The following POLG variants were observed in gnomAD, a reference collection of about 807,000 sequenced individuals.
POLG encodes the protein DNA polymerase subunit gamma-1.
Under a neutral mutation model 155.4 loss-of-function variants are expected in POLG, and 110 were observed. The ratio of observed to expected loss-of-function variants is 0.71; its 90% CI spans 0.61 to 0.83. The LOEUF (loss-of-function observed/expected upper bound fraction) is 0.83, where lower values mean the gene tolerates loss of function less well. Ranked by LOEUF, POLG falls within the 40% of genes least tolerant of loss-of-function variation. The pLI, the probability that POLG is intolerant of heterozygous loss-of-function variation, is 0.00. For synonymous variants in POLG, 701 were observed against 631.5 expected, an observed-to-expected ratio of 1.11 and a Z score of -1.65; for missense variants, 1,685 against 1,627.5, an observed-to-expected ratio of 1.04 and a Z score of -0.61.
chr15:89,320,876 A>G lies in POLG; in HGVS notation c.2871T>C (p.Ala957=), dbSNP rs376459207. The change falls in exon 18 of 23, where the codon GCT becomes GCC. Residue 957 remains alanine (A), a synonymous_variant. Coordinates refer to ENST00000268124, the MANE Select transcript of POLG (RefSeq NM_002693.3). ...GTAAGCGCTCAGCAAAGGGCTGCCC[A>G]GCACCATAGATGCGGCCGTAGTTGA... ...KIFNYGRIYG[A]GQPFAERLLM... 2 of 1,613,930 alleles carry G rather than the reference A, an allele frequency of 1.2e-6. No individual in the cohort carries two copies. The highest frequency in any genetic ancestry group is 2.7e-5 in the African/African-American group (2 of 74,940).
chr15:89,330,746 T>C (rs1362952613), intron 2 of POLG, among the ~76,000 whole-genome samples: 1 of 109,998 alleles, frequency 9.1e-6, no homozygotes, highest in Non-Finnish European at 1.8e-5. Flanking sequence ...AAAAAAAAAA[T>C]GACAAATGCT....
chr15:89,326,565 A>G (rs746353157), intron 9 of POLG, 47 bp downstream of exon 9: 1 of 1,606,658 alleles, frequency 6.2e-7, no homozygotes, highest in Non-Finnish European at 8.5e-7. Context: ...CTGAGAATGG[A>G]GCAAGGGTAG....
rs1274781490 is a variant in POLG, at chr15:89,328,666, G to GC, written c.1170+18dup. The GC allele has an allele frequency of 2.5e-6, 4 of 1,613,694 alleles. No homozygotes were observed. The Admixed American group carries it at 6.7e-5, about 27-fold the overall frequency. On this transcript the variant is annotated intron_variant, in intron 5 of 22. Transcript: ENST00000268124. ...GTGTGCCACAGCCCATGTCCCCAGA[G>GC]CCCCCTCCAGCACCATACCTGGAAG...
At chr15:89,324,495 G>A (rs1177801718) in intron 10 of POLG, among the ~76,000 whole-genome samples, 1 of 152,262 alleles carries the variant, frequency 6.6e-6, no homozygotes, top group East Asian at 1.9e-4. Flanking sequence ...CTCAAGAGAA[G>A]TTCTGAGAGC....
Position 89,325,300 on chromosome 15 carries a change from GT to G in POLG, c.1949+149del, listed in dbSNP as rs1394375303. On this transcript the variant is annotated intron_variant, in intron 10 of 22. Coordinates refer to ENST00000268124, the MANE Select transcript of POLG (RefSeq NM_002693.3). ...AGAGAGAGAAAGAGAGAGAGAGAGGGTGTGTGTGTGTGTGTTAATTTTTTTC... is the reference window on the plus strand; with the variant it reads ...AGAGAGAGAAAGAGAGAGAGAGAGGGGTGTGTGTGTGTGTTAATTTTTTTC... 1.7e-5 allele frequency: 10 copies of G among 589,588 alleles called. 3 individuals carry two copies. In the African/African-American group the frequency reaches 2.7e-4, roughly 16 times the overall value. 36.5% of individuals were successfully genotyped at this position (589,588 alleles called of 1,614,324 possible). A position where few individuals can be genotyped will look rare whatever the true frequency, so the allele number is the denominator to read the frequency against.
intron 3 of POLG, 52 bp from the exon 4 acceptor site, chr15:89,329,162 G>C: frequency 6.6e-7 from 1 of 1,516,056 alleles, no homozygotes; most frequent in Non-Finnish European, 9.0e-7. Context: ...TGCAACTGTG[G>C]GGCCAGCCCA....
chr15:89,324,863 A>G (rs776090945), intron 10 of POLG, among the ~76,000 whole-genome samples: 1 of 152,150 alleles, frequency 6.6e-6, no homozygotes, highest in African/African-American at 2.4e-5. Flanking sequence ...TTAAAAGCCC[A>G]TCTCCCTGCT....
At chr15:89,333,038 C>CA in intron 2 of POLG, 58 bp downstream of exon 2, 1 of 1,492,188 alleles carries the variant, frequency 6.7e-7, no homozygotes, top group Non-Finnish European at 8.9e-7. Context: ...TTCACTGAAA[C>CA]AAACTATTAA....
chr15:89,328,992 G>C lies in POLG; in HGVS notation c.974C>G (p.Pro325Arg), dbSNP rs1370921826. The C allele has an allele frequency of 1.2e-6, 2 of 1,613,632 alleles. No individual in the cohort carries two copies. Among genetic ancestry groups the C allele is most frequent in the Admixed American group, 3.3e-5 (2 of 60,010 alleles). The change falls in exon 4 of 23, where the codon CCC (proline) becomes CGC (arginine). Residue 325 changes from proline (P) to arginine (R), a missense_variant. Physicochemically the swap from Pro to Arg is moderately radical, Grantham distance 103. Around this residue, in one of 3 missense-constraint regions of POLG, gnomAD observed 1,210 missense variants for 1,167.1 expected, o/e 1.04. Coordinates refer to ENST00000268124, the MANE Select transcript of POLG (RefSeq NM_002693.3). Reference sequence around the variant, plus strand: ...CTGGGACTTCTGGCCTTGCTTTGTGGGGGGCTGGACCTTGTGTTTGCCCTG... The same window carrying C: ...CTGGGACTTCTGGCCTTGCTTTGTGCGGGGCTGGACCTTGTGTTTGCCCTG... ...AKQGKHKVQP[P>R]TKQGQKSQRK... is the part of the protein sequence containing the mutation.
intron 16 of POLG, 124 bp downstream of exon 16, chr15:89,321,612 C>T (rs1353327841): frequency 1.2e-6 from 1 of 820,790 alleles, no homozygotes; most frequent in Non-Finnish European, 2.1e-6. Context: ...GACTAGAGTC[C>T]TGCCTGACCC....
At position 89,328,696 on chromosome 15, in the gene POLG, C is replaced by CA; in HGVS notation, c.1158dup (p.Glu387Ter). ...CTCCAGCACCATACCTGGAAGTTCT[C>CA]ACGAATGTCCTTCATGGTGCCCTTC... On this transcript the variant is annotated frameshift_variant, in exon 5 of 23. Transcript: ENST00000268124. LOFTEE classifies it high-confidence loss of function. The CA allele has an allele frequency of 6.2e-7, 1 of 1,614,164 alleles. No individual in the cohort carries two copies. Among genetic ancestry groups the CA allele is most frequent in the Non-Finnish European group, 8.5e-7 (1 of 1,180,034 alleles).
Position 89,316,802 on chromosome 15 carries a change from T to C in POLG, c.3669A>G (p.Ile1223Met). The change falls in exon 23 of 23, where the codon ATA becomes ATG. Residue 1223 changes from isoleucine (I) to methionine (M), a missense_variant. By Grantham distance (10) the Ile-to-Met change is conservative (BLOSUM62 1). Around this residue, in one of 3 missense-constraint regions of POLG, gnomAD observed 470 missense variants for 439.9 expected, o/e 1.07. Coordinates refer to ENST00000268124, the MANE Select transcript of POLG (RefSeq NM_002693.3). The part of the protein sequence containing the change: ...PQGEALDIYQ[I>M]IELTKGSLEK... ...CCAAGGAGCCTTTGGTGAGTTCAAT[T>C]ATCTGGTAAATATCCAGCGCTTCAC... The C allele has an allele frequency of 6.2e-7, 1 of 1,613,828 alleles. No individual in the cohort carries two copies. The highest frequency in any genetic ancestry group is 8.5e-7 in the Non-Finnish European group (1 of 1,179,784).
At chr15:89,327,403 C>G in intron 6 of POLG, 54 bp from the exon 7 acceptor site, 1 of 1,546,850 alleles carries the variant, frequency 6.5e-7, no homozygotes, top group South Asian at 1.1e-5. Flanking sequence ...GCAAGACTGG[C>G]CCAATCCCTG....
intron 18 of POLG, 89 bp from the exon 19 acceptor site, chr15:89,319,439 A>G: frequency 6.5e-7 from 1 of 1,541,792 alleles, no homozygotes; most frequent in Non-Finnish European, 8.8e-7. Flanking sequence ...TATCACTTCA[A>G]CTTTTAAAAA....
Position 89,324,076 on chromosome 15 carries a change from C to T in POLG, c.2070+31G>A, listed in dbSNP as rs758996694. The stretch of plus-strand genomic sequence containing the variant: ...GGGTGGAATACAGAGACCTCCCCTC[C>T]CCAAAGCTCAGGTTCAGAGCCTGCC... On this transcript the variant is annotated intron_variant, in intron 11 of 22. Transcript: ENST00000268124. 1.8e-5 allele frequency: 29 copies of T among 1,613,678 alleles called. No individual in the cohort carries two copies. The East Asian group carries it at 6.2e-4, about 35-fold the overall frequency.
At chr15:89,328,126 G>A (rs3176175) in intron 6 of POLG, among the ~76,000 whole-genome samples, 3,010 of 152,160 alleles carry the variant, frequency 0.02, 102 homozygotes, top group African/African-American at 0.066. Context: ...CAGCATACAA[G>A]GGTCACTTCA....
At chr15:89,318,316 T>G (rs1206659854) in intron 21 of POLG, among the ~76,000 whole-genome samples, 1 of 152,086 alleles carries the variant, frequency 6.6e-6, no homozygotes, top group Non-Finnish European at 1.5e-5. Context: ...ATGATCAGTC[T>G]TGGTATTTCA....
chr15:89,322,030 A>G lies in POLG; in HGVS notation c.2427-15T>C. 1 of 1,613,682 alleles carries G rather than the reference A, an allele frequency of 6.2e-7. No individual in the cohort carries two copies. The highest frequency in any genetic ancestry group is 8.5e-7 in the Non-Finnish European group (1 of 1,179,572). ...CCATCTGGGAGCTGTGGGGACAGAC[A>G]ACGTGAGGCTCAGCACAGCCATGGG... is the stretch of plus-strand genomic sequence containing the variant. On this transcript the variant is annotated splice_polypyrimidine_tract_variant and intron_variant, in intron 14 of 22. Transcript: ENST00000268124.
At chr15:89,317,785 C>T in intron 21 of POLG, 4 of 530,698 alleles carry the variant, frequency 7.5e-6, no homozygotes, top group South Asian at 4.2e-5. Context: ...CAGTTTGGTA[C>T]ACTTTATTAA....
Sources: allele counts gnomAD v4.1 joint callset (sites outside exome capture counted in the v4.1 genomes callset), GRCh38; gene constraint gnomAD v4.1.1; regional missense constraint gnomAD v4.1.1; transcripts MANE v1.5; gene names NCBI Gene and HGNC (gene_info 2026-07-23, HGNC 2026-07-21).